Variants in MRPL52 observed in about 807,000 individuals in gnomAD.
MRPL52 encodes the protein mitochondrial ribosomal protein L52.
In MRPL52, 19 loss-of-function variants were observed where a neutral mutation model predicts 22.1. The ratio of observed to expected loss-of-function variants is 0.86; its 90% CI spans 0.60 to 1.26. The LOEUF (loss-of-function observed/expected upper bound fraction) is 1.26, where lower values mean the gene tolerates loss of function less well. MRPL52 is among the 50% of genes most tolerant of loss of function. MRPL52 has a pLI of 0.00. For missense variants in MRPL52, 152 were observed against 148.1 expected (o/e 1.03, Z -0.14); for synonymous variants, 50 against 57.5 (o/e 0.87, Z 0.59).
At position 22,834,167 on chromosome 14, in the gene MRPL52, T is replaced by C. The variant is rs769774556; in HGVS notation, c.220-5T>C. 1 of 1,613,900 alleles carries C rather than the reference T, an allele frequency of 6.2e-7. No homozygotes were observed. Among genetic ancestry groups the C allele is most frequent in the Non-Finnish European group, 8.5e-7 (1 of 1,179,904 alleles). The stretch of plus-strand genomic sequence containing the variant: ...TTATCCACACTGTTTTCCTGTCTGT[T>C]TCAGAGACGAGTTGTACTGCTGTCA... On this transcript the variant is annotated splice_polypyrimidine_tract_variant and splice_region_variant and intron_variant, in intron 4 of 4. Transcript: ENST00000397496.
At chr14:22,830,579 C>A in intron 3 of MRPL52, 1 of 430,012 alleles carries the variant, frequency 2.3e-6, no homozygotes, top group Non-Finnish European at 4.2e-6. Flanking sequence ...CCACTTTTCT[C>A]TGTGGTTAGT....
chr14:22,830,472 T>A (rs2039581850), intron 3 of MRPL52: 2 of 589,368 alleles, frequency 3.4e-6, no homozygotes, highest in Non-Finnish European at 5.9e-6. Flanking sequence ...CTTGTGGAGA[T>A]AAGCAGAAGA....
intron 3 of MRPL52, among the ~76,000 whole-genome samples, chr14:22,832,334 GT>G (rs1181163972): frequency 6.6e-6 from 1 of 151,512 alleles, no homozygotes; most frequent in African/African-American, 2.4e-5. Flanking sequence ...AGAGTTTCTG[GT>G]TTTTTTTGTT....
Position 22,833,412 on chromosome 14 carries a change from T to G in MRPL52, c.155-6T>G, listed in dbSNP as rs1189859139. The G allele has an allele frequency of 1.2e-6, 2 of 1,609,140 alleles. No individual in the cohort carries two copies. The highest frequency in any genetic ancestry group is 8.5e-7 in the Non-Finnish European group (1 of 1,175,596). Reference sequence around the variant, plus strand: ...CACTTGACTTTTCTCTCACTTCTACTTGTAGATGGCCGCCCTGCTCCCCCA... The same window carrying G: ...CACTTGACTTTTCTCTCACTTCTACGTGTAGATGGCCGCCCTGCTCCCCCA... On this transcript the variant is annotated splice_region_variant and splice_polypyrimidine_tract_variant and intron_variant, in intron 3 of 4. Transcript: ENST00000397496.
In MRPL52 at chr14:22,830,204, A is replaced by G. The variant is rs888920399; in HGVS notation, c.104A>G (p.Asn35Ser). 3 of 1,614,020 alleles carry G rather than the reference A, an allele frequency of 1.9e-6. No homozygotes were observed. Among genetic ancestry groups the G allele is most frequent in the Non-Finnish European group, 2.5e-6 (3 of 1,179,990 alleles). ...CCACACAGGCAGGGACTGGCTGCCA[A>G]CCCCTCCGGCTACGGGCCCCTTACC... ...QWRLQQGLAA[N>S]PSGYGPLTEL... Residue 35 changes from asparagine (N) to serine (S), a missense_variant, in exon 3 of 5, where the codon AAC (asparagine) becomes AGC (serine). Transcript: ENST00000397496.
chr14:22,831,130 T>TTTTTTTTTTTA (rs57953366), intron 3 of MRPL52: 1 of 595,478 alleles, frequency 1.7e-6, no homozygotes, highest in African/African-American at 2.1e-5. Flanking sequence ...TTTTTTTTTT[T>TTTTTTTTTTTA]GAGATGGGGT....
chr14:22,833,517 AAGG>A (rs2039670554), intron 4 of MRPL52, 35 bp downstream of exon 4: 1 of 1,482,290 alleles, frequency 6.7e-7, no homozygotes, highest in Non-Finnish European at 9.4e-7. Flanking sequence ...GGCTACCTGG[AAGG>A]AGAACATTTA....
intron 4 of MRPL52, 90 bp downstream of exon 4, chr14:22,833,572 T>C (rs1005400061): frequency 2.2e-6 from 2 of 904,934 alleles, no homozygotes; most frequent in Admixed American, 2.1e-5. Flanking sequence ...TAAGCAAACA[T>C]GTACCCCTCA....
intron 3 of MRPL52, chr14:22,830,804 T>G (rs1469405306): frequency 1.8e-6 from 1 of 568,052 alleles, no homozygotes; most frequent in Non-Finnish European, 3.1e-6. Context: ...CCATTCTCCT[T>G]ATGAGACTCC....
chr14:22,834,132 G>A (rs753775794), intron 4 of MRPL52, 40 bp from the exon 5 acceptor site: 1 of 1,607,692 alleles, frequency 6.2e-7, no homozygotes, highest in African/African-American at 1.3e-5. Context: ...TAGCGCTGAA[G>A]TCCCAGATGT....
At chr14:22,833,199 A>C (rs2039661556) in intron 3 of MRPL52, 1 of 463,508 alleles carries the variant, frequency 2.2e-6, no homozygotes, top group East Asian at 3.7e-5. Flanking sequence ...AAATGAAATA[A>C]AATGAAATAG....
rs763566892 is a variant in MRPL52, at chr14:22,829,976, G to C, written c.28+36G>C. 8 of 1,612,288 alleles carry C rather than the reference G, an allele frequency of 5.0e-6. No individual in the cohort carries two copies. The South Asian group carries it at 8.8e-5, about 18-fold the overall frequency. ...ATAGATAGGGACCGTGGACTCGGGG[G>C]CCCTTTGGGGACGGGCACAGGACCC... On this transcript the variant is annotated intron_variant, in intron 1 of 4. Coordinates refer to ENST00000397496, the MANE Select transcript of MRPL52 (RefSeq NM_180982.3).
chr14:22,830,278 C>T (rs372703351), intron 3 of MRPL52, 24 bp downstream of exon 3: 7 of 1,613,700 alleles, frequency 4.3e-6, no homozygotes, highest in Non-Finnish European at 5.9e-6. Context: ...TGGCAGTTAA[C>T]TCCACTGGGG....
At chr14:22,833,333 T>C in intron 3 of MRPL52, 85 bp from the exon 4 acceptor site, 1 of 848,260 alleles carries the variant, frequency 1.2e-6, no homozygotes, top group Non-Finnish European at 2.0e-6. Context: ...AGAGATTGGT[T>C]CTTCCCTTAT....
chr14:22,831,090 G>A, intron 3 of MRPL52: 1 of 422,594 alleles, frequency 2.4e-6, no homozygotes, highest in Non-Finnish European at 4.5e-6. Flanking sequence ...AAAGACTCTG[G>A]AATTACATAT....
At chr14:22,834,033 C>T in intron 4 of MRPL52, 139 bp from the exon 5 acceptor site, 1 of 942,482 alleles carries the variant, frequency 1.1e-6, no homozygotes, top group Non-Finnish European at 1.6e-6. Context: ...CCCTCTGCTT[C>T]CCAAGCCAGA....
At chr14:22,832,683 A>C (rs1381330394) in intron 3 of MRPL52, among the ~76,000 whole-genome samples, 1 of 151,988 alleles carries the variant, frequency 6.6e-6, no homozygotes, top group Admixed American at 6.6e-5. Context: ...ATTGCAGAGG[A>C]CCTCAAATAC....
In MRPL52 at chr14:22,829,891, A is replaced by G. The variant is rs1360831260; in HGVS notation, c.-22A>G. 2 of 1,544,060 alleles carry G rather than the reference A, an allele frequency of 1.3e-6. No individual in the cohort carries two copies. The highest frequency in any genetic ancestry group is 2.4e-5 in the East Asian group (1 of 41,564). On this transcript the variant is annotated 5_prime_UTR_variant, in exon 1 of 5. Coordinates refer to ENST00000397496, the MANE Select transcript of MRPL52 (RefSeq NM_180982.3). ...ACCGAGGCCACGCCTACTTCCGGCT[A>G]CCCCGGCTACTCCTGCTCAGCATGG...
At chr14:22,830,359 T>G in intron 3 of MRPL52, 105 bp downstream of exon 3, 1 of 1,173,648 alleles carries the variant, frequency 8.5e-7, no homozygotes, top group Non-Finnish European at 1.2e-6. Flanking sequence ...TGTAAAAGTG[T>G]TTAACTTTTT....
Sources: gnomAD v4.1 joint callset for allele counts (sites outside exome capture counted in the v4.1 genomes callset) on GRCh38, gnomAD v4.1.1 for gene constraint, MANE v1.5 for transcripts, NCBI Gene and HGNC (gene_info 2026-07-23, HGNC 2026-07-21) for gene names.